WWOX: variants seen among roughly 807,000 people sequenced by gnomAD.
The protein encoded by WWOX is WW domain-containing oxidoreductase.
A neutral mutation model predicts 46.2 loss-of-function variants in WWOX; 69 were observed. The observed-to-expected ratio is 1.49, with a 90% confidence interval of 1.23 to 1.82. WWOX has a LOEUF of 1.82. Ranked by LOEUF, WWOX falls within the 40% of genes most tolerant of loss-of-function variation. The pLI is 0.00. For missense variants in WWOX, 919 were observed against 542.6 expected (o/e 1.69, Z -6.89); for synonymous variants, 359 against 202.6 (o/e 1.77, Z -6.56).
chr16:78,846,041 C>T (rs1410652739), intron 8 of WWOX, among the ~76,000 whole-genome samples: 2 of 152,188 alleles, frequency 1.3e-5, no homozygotes, highest in African/African-American at 4.8e-5. Context: ...GGATGGAAAG[C>T]ATGGAGTTTG....
intron 8 of WWOX, among the ~76,000 whole-genome samples, chr16:79,040,414 A>G (rs1035669032): frequency 1.3e-4 from 19 of 151,818 alleles, no homozygotes; most frequent in African/African-American, 3.9e-4. Context: ...AGCTGGGACC[A>G]CAGGATGCAC....
intron 5 of WWOX, among the ~76,000 whole-genome samples, chr16:78,173,633 C>G (rs886780557): frequency 6.6e-6 from 1 of 152,062 alleles, no homozygotes; most frequent in Admixed American, 6.6e-5. Context: ...GATTTACCTG[C>G]AGATGCTAAT....
intron 8 of WWOX, among the ~76,000 whole-genome samples, chr16:78,588,440 C>G (rs760023975): frequency 2.0e-5 from 3 of 152,150 alleles, no homozygotes; most frequent in African/African-American, 4.8e-5. Context: ...TCAGGAAGTT[C>G]TTGTTCAGCA....
chr16:78,634,286 G>T (rs1356765075), intron 8 of WWOX, among the ~76,000 whole-genome samples: 1 of 152,194 alleles, frequency 6.6e-6, no homozygotes, highest in Non-Finnish European at 1.5e-5. Context: ...AATGGATGCT[G>T]AAATGTCCAA....
chr16:78,994,969 C>CTTTT (rs869088414), intron 8 of WWOX, among the ~76,000 whole-genome samples: 521 of 114,612 alleles, frequency 4.5e-3, no homozygotes, highest in Non-Finnish European at 6.1e-3. Context: ...TCTTCTTCTT[C>CTTTT]TTTTTTTTTT....
chr16:78,372,098 T>C (rs937214301), intron 5 of WWOX, among the ~76,000 whole-genome samples: 2 of 152,172 alleles, frequency 1.3e-5, no homozygotes, highest in African/African-American at 4.8e-5. Context: ...GGGCAATGAA[T>C]CTAGTTGAGT....
At chr16:78,152,429 C>A (rs944971582) in intron 4 of WWOX, among the ~76,000 whole-genome samples, 1 of 152,168 alleles carries the variant, frequency 6.6e-6, no homozygotes, top group African/African-American at 2.4e-5. Flanking sequence ...GTGGCTGGGT[C>A]AAAGAGCATG....
chr16:79,105,156 G>C (rs2347089), intron 8 of WWOX, among the ~76,000 whole-genome samples: 60,516 of 151,994 alleles, frequency 0.4, 12,783 homozygotes, highest in East Asian at 0.57. Flanking sequence ...CTCTCGATGA[G>C]CTATGAACAG....
At chr16:78,834,526 A>G (rs575506971) in intron 8 of WWOX, among the ~76,000 whole-genome samples, 1 of 152,302 alleles carries the variant, frequency 6.6e-6, no homozygotes, top group Non-Finnish European at 1.5e-5. Context: ...GGAGGTCTGT[A>G]AACAAGGTCT....
intron 8 of WWOX, among the ~76,000 whole-genome samples, chr16:79,060,485 T>G (rs1178793005): frequency 1.3e-5 from 2 of 152,190 alleles, no homozygotes; most frequent in Non-Finnish European, 2.9e-5. Flanking sequence ...CAGACTGAAT[T>G]TTTCCAATTT....
At position 79,019,186 on chromosome 16, in the gene WWOX, G is replaced by GAAAAA. The variant is rs112613038; in HGVS notation, c.1057-192416_1057-192412dup. Among the ~76,000 whole-genome samples, 17 of 47,050 alleles carry GAAAAA rather than the reference G, an allele frequency of 3.6e-4. 3 individuals carry two copies. The highest frequency in any genetic ancestry group is 1.6e-3 in the East Asian group (2 of 1,244). The allele number at this position is 47,050 out of a possible 152,430, so 30.9% of individuals were successfully genotyped here. A position where few individuals can be genotyped will look rare whatever the true frequency, so the allele number is the denominator to read the frequency against. ...AAAAAAAAAAAAAAAAAAAAAAAAA[G>GAAAAA]AAAAAAAAAAGTTGGAATGACATCA... On this transcript the variant is annotated intron_variant, in intron 8 of 8. Coordinates refer to ENST00000566780, the MANE Select transcript of WWOX (RefSeq NM_016373.4).
intron 8 of WWOX, among the ~76,000 whole-genome samples, chr16:78,888,403 G>C (rs1161392225): frequency 6.6e-6 from 1 of 152,146 alleles, no homozygotes; most frequent in Non-Finnish European, 1.5e-5. Flanking sequence ...TGTTGTTCCA[G>C]GTGTTACTCC....
At chr16:78,825,914 A>G in intron 8 of WWOX, 1 of 721,958 alleles carries the variant, frequency 1.4e-6, no homozygotes. Flanking sequence ...CATGGAACCC[A>G]AAGATGAGGT....
chr16:78,832,531 C>G (rs2051859755), intron 8 of WWOX, among the ~76,000 whole-genome samples: 1 of 152,180 alleles, frequency 6.6e-6, no homozygotes, highest in Admixed American at 6.5e-5. Context: ...CCACACTCTG[C>G]CACTCCACAC....
At chr16:78,321,773 C>A (rs943144636) in intron 5 of WWOX, among the ~76,000 whole-genome samples, 5 of 152,160 alleles carry the variant, frequency 3.3e-5, no homozygotes, top group Non-Finnish European at 5.9e-5. Context: ...CACAGGCCCT[C>A]CCTGTCAGTG....
chr16:78,545,318 G>C (rs991713718), intron 8 of WWOX, among the ~76,000 whole-genome samples: 9 of 152,130 alleles, frequency 5.9e-5, no homozygotes, highest in African/African-American at 2.2e-4. Flanking sequence ...GTTACCTGCA[G>C]GGCGATTGTG....
intron 5 of WWOX, among the ~76,000 whole-genome samples, chr16:78,312,555 A>G (rs1014047576): frequency 6.6e-6 from 1 of 151,906 alleles, no homozygotes; most frequent in African/African-American, 2.4e-5. Flanking sequence ...TTGAATTTTT[A>G]GTAGAGATGG....
intron 8 of WWOX, among the ~76,000 whole-genome samples, chr16:78,455,220 G>C (rs547632672): frequency 2.0e-5 from 3 of 152,176 alleles, no homozygotes; most frequent in Non-Finnish European, 2.9e-5. Flanking sequence ...CAAACATGTT[G>C]ACACAAACGA....
At chr16:78,245,352 GT>G (rs1266354426) in intron 5 of WWOX, among the ~76,000 whole-genome samples, 4 of 152,132 alleles carry the variant, frequency 2.6e-5, no homozygotes, top group African/African-American at 9.7e-5. Flanking sequence ...AACATCTTTG[GT>G]TCTAAAGCAT....
Sources: gnomAD v4.1 joint callset for allele counts (sites outside exome capture counted in the v4.1 genomes callset) on GRCh38, gnomAD v4.1.1 for gene constraint, MANE v1.5 for transcripts, NCBI Gene and HGNC (gene_info 2026-07-23, HGNC 2026-07-21) for gene names.